The following SDCBP2 variants were observed in gnomAD, a reference collection of about 807,000 sequenced individuals.
SDCBP2 encodes syntenin-2.
Under a neutral mutation model 30.7 loss-of-function variants are expected in SDCBP2, and 28 were observed. The observed-to-expected ratio is 0.91, with a 90% CI of 0.68 to 1.25. SDCBP2 has a LOEUF of 1.25. Among genes scored for constraint, SDCBP2 ranks in the 50% most tolerant of loss-of-function variants. The probability of loss-of-function intolerance (pLI) is 0.00; values close to 1 mark genes in which losing one functional copy is unlikely to be tolerated. For missense variants in SDCBP2, 399 were observed against 379.0 expected, an observed-to-expected ratio of 1.05 and a Z score of -0.44; for synonymous variants, 166 against 157.3, an observed-to-expected ratio of 1.06 and a Z score of -0.41.
rs967721057 is a variant in SDCBP2, at chr20:1,310,457, G to C, written c.863C>G (p.Ser288Cys). ...PVLLHHTMDH[S>C]IPDA ...GCAGTGGCTTCAGGCATCTGGGATG[G>C]AGTGGTCCATGGTGTGGTGGAGCAG... is the stretch of plus-strand genomic sequence containing the variant. Residue 288 changes from serine to cysteine, a missense_variant, in exon 9 of 9, where the codon TCC (serine) becomes TGC (cysteine). Ser to Cys is a moderately radical substitution (Grantham distance 112). Coordinates refer to ENST00000360779, the MANE Select transcript of SDCBP2 (RefSeq NM_080489.5). 2 of 1,613,622 alleles carry C rather than the reference G, an allele frequency of 1.2e-6. No individual in the cohort carries two copies. The highest frequency in any genetic ancestry group is 1.7e-6 in the Non-Finnish European group (2 of 1,179,964).
chr20:1,319,642 T>G lies in SDCBP2; in HGVS notation c.72A>C (p.Ser24=), dbSNP rs1050398733. Residue 24 remains serine (S), a synonymous_variant, in exon 3 of 9, where the codon TCA becomes TCC. Transcript: ENST00000360779. ...DQAIQAQVRA[S]PKMPALPVQA... ...GGACTGGCAGGGCTGGCATCTTGGG[T>G]GAGGCTCTGACCTGGGCCTGGGGAG... is the stretch of plus-strand genomic sequence containing the variant. 1.3e-6 allele frequency: 2 copies of G among 1,565,474 alleles called. No homozygotes were observed. Among genetic ancestry groups the G allele is most frequent in the Non-Finnish European group, 1.7e-6 (2 of 1,154,394 alleles).
Position 1,310,907 on chromosome 20 carries a change from G to A in SDCBP2, c.733-16C>T. 6.2e-7 allele frequency: 1 copy of A among 1,602,048 alleles called. No homozygotes were observed. On this transcript the variant is annotated splice_polypyrimidine_tract_variant and intron_variant, in intron 7 of 8. Transcript: ENST00000360779. ...TCTTTTTGTCCTAGGGAGGAGGCAA[G>A]TAAGCGATCACCCTAAGGATTGGGG...
rs932620802 is a variant in SDCBP2 at position 1,310,343 on chromosome 20, T to G, written c.*98A>C. ...GCCCCCCTCATGGCAGCCCCCACCT[T>G]AAGCAGCAGGCCGGCTGCAACCCAT... is the stretch of plus-strand genomic sequence containing the variant. On this transcript the variant is annotated 3_prime_UTR_variant, in exon 9 of 9. Transcript: ENST00000360779. 8 of 1,301,350 alleles carry G rather than the reference T, an allele frequency of 6.1e-6. No individual in the cohort carries two copies. The highest frequency in any genetic ancestry group is 7.7e-6 in the Non-Finnish European group (7 of 910,732). The allele number at this position is 1,301,350 out of a possible 1,614,324, so 80.6% of individuals were successfully genotyped here.
intron 8 of SDCBP2, 71 bp downstream of exon 8, chr20:1,310,729 C>A: frequency 7.2e-7 from 1 of 1,382,808 alleles, no homozygotes; most frequent in Non-Finnish European, 1.0e-6. Context: ...GCCAGGTGCA[C>A]CTGGGAGGCC....
chr20:1,328,449 G>A, intron 1 of SDCBP2, among the ~76,000 whole-genome samples: 1 of 152,184 alleles, frequency 6.6e-6, no homozygotes, highest in East Asian at 1.9e-4. Flanking sequence ...ACGTGAAGCT[G>A]CCTGTCCAGT....
intron 4 of SDCBP2, among the ~76,000 whole-genome samples, chr20:1,314,511 AG>A (rs71212731): frequency 1.8e-3 from 225 of 124,024 alleles, no homozygotes; most frequent in Non-Finnish European, 2.4e-3. Context: ...AAAAAAAAAA[AG>A]GAAAGGAAAG....
rs569892837 is a variant in SDCBP2, at chr20:1,313,029, C to T, written c.385-267G>A. 1.7e-4 allele frequency: 100 copies of T among 587,622 alleles called. 1 individual carries two copies. The highest frequency in any genetic ancestry group is 1.6e-3 in the South Asian group (76 of 48,362). 36.4% of individuals were successfully genotyped at this position (587,622 alleles called of 1,614,324 possible). A position where few individuals can be genotyped will look rare whatever the true frequency, so the allele number is the denominator to read the frequency against. On this transcript the variant is annotated intron_variant, in intron 5 of 8. Transcript: ENST00000360779. The surrounding 1 kb of genome is among the most constrained non-coding windows in gnomAD (Gnocchi z 5.2). ...ACTGTACCATTCACAAAGGCATGGGCTTCCCTGGCGTCGGCTGTCTACACC... is the reference window on the plus strand; with the variant it reads ...ACTGTACCATTCACAAAGGCATGGGTTTCCCTGGCGTCGGCTGTCTACACC...
rs918288150 is a variant in SDCBP2, at chr20:1,313,172, C to G, written c.384+168G>C. On this transcript the variant is annotated intron_variant, in intron 5 of 8. Coordinates refer to ENST00000360779, the MANE Select transcript of SDCBP2 (RefSeq NM_080489.5). The surrounding 1 kb of genome is among the most constrained non-coding windows in gnomAD (Gnocchi z 5.2). ...GGGCCCTGCGCAACCCAGCACCAGC[C>G]CCGCCCGGGTCTCGGGGAGGAGGGA... 1.2e-5 allele frequency: 9 copies of G among 741,730 alleles called. No homozygotes were observed. The African/African-American group carries it at 1.6e-4, about 13-fold the overall frequency. The allele number at this position is 741,730 out of a possible 1,614,324, so 45.9% of individuals were successfully genotyped here.
chr20:1,312,895 C>T, intron 5 of SDCBP2, 133 bp from the exon 6 acceptor site: 2 of 939,944 alleles, frequency 2.1e-6, no homozygotes, highest in Non-Finnish European at 3.1e-6. Context: ...GCATGGCAGG[C>T]ACCAAGGTTA....
rs557302850 is a variant in SDCBP2, at chr20:1,310,621, C to T, written c.825-126G>A. On this transcript the variant is annotated intron_variant, in intron 8 of 8. Coordinates refer to ENST00000360779, the MANE Select transcript of SDCBP2 (RefSeq NM_080489.5). ...ACTCCCAGTTCTAAGACTTTCGAAT[C>T]ACCAGAAGCCACAAGCTACCTTGGA... The T allele has an allele frequency of 5.7e-6, 6 of 1,045,464 alleles. No homozygotes were observed. The East Asian group carries it at 1.3e-4, about 22-fold the overall frequency. The allele number at this position is 1,045,464 out of a possible 1,614,324, so 64.8% of individuals were successfully genotyped here. A position where few individuals can be genotyped will look rare whatever the true frequency, so the allele number is the denominator to read the frequency against.
In SDCBP2 at chr20:1,324,641, C is replaced by T. The variant is rs528360261; in HGVS notation, c.-19-4206G>A. Among the ~76,000 whole-genome samples, 1 of 152,194 alleles carries T rather than the reference C, an allele frequency of 6.6e-6. No individual in the cohort carries two copies. The highest frequency in any genetic ancestry group is 1.5e-5 in the Non-Finnish European group (1 of 68,024). On this transcript the variant is annotated intron_variant, in intron 1 of 8. Transcript: ENST00000360779. This position sits in a 1 kb window ranked among gnomAD's most constrained non-coding sequence, Gnocchi z 4.7. ...GTACACACTAGACTGTCTGGAAATG[C>T]ATATATCAGGTTGGTTGTGGGGAGT...
intron 3 of SDCBP2, 121 bp downstream of exon 3, chr20:1,319,469 C>T: frequency 9.2e-7 from 1 of 1,089,322 alleles, no homozygotes; most frequent in Non-Finnish European, 1.4e-6. Flanking sequence ...GTCCTCTCTT[C>T]CCACCATGTT....
chr20:1,323,680 T>A (rs1020931978), intron 1 of SDCBP2: 1 of 152,228 alleles, frequency 6.6e-6, no homozygotes, highest in Non-Finnish European at 1.5e-5. Flanking sequence ...GCTGCTTATG[T>A]CCCTTACATA....
chr20:1,318,046 C>T, intron 4 of SDCBP2: 1 of 499,538 alleles, frequency 2.0e-6, no homozygotes, highest in Non-Finnish European at 3.9e-6. Context: ...TTAATGACCT[C>T]CCTTCTCATC....
At chr20:1,328,393 G>A (rs182590987) in intron 1 of SDCBP2, among the ~76,000 whole-genome samples, 52 of 152,256 alleles carry the variant, frequency 3.4e-4, no homozygotes, top group Admixed American at 1.2e-3. Flanking sequence ...CAGGAGCCCA[G>A]GTGGGAAGTG....
At chr20:1,326,789 T>C (rs2088933976) in intron 1 of SDCBP2, among the ~76,000 whole-genome samples, 1 of 152,234 alleles carries the variant, frequency 6.6e-6, no homozygotes, top group Non-Finnish European at 1.5e-5. Flanking sequence ...TCAGGAAATG[T>C]CACTCATTTG....
At position 1,310,808 on chromosome 20, in the gene SDCBP2, C is replaced by T. The variant is rs560992443; in HGVS notation, c.816G>A (p.Met272Ile). The T allele has an allele frequency of 6.2e-7, 1 of 1,612,412 alleles. No homozygotes were observed. The highest frequency in any genetic ancestry group is 1.1e-5 in the South Asian group (1 of 90,998). Residue 272 changes from methionine to isoleucine, a missense_variant, in exon 8 of 9, where the codon ATG becomes ATA. Transcript: ENST00000360779. The part of the protein sequence containing the change: ...TIIPSVIYEH[M>I]VKKLPPVLLH... The stretch of plus-strand genomic sequence containing the variant: ...GAGGGGTGCAGCCTTACTTTTTGAC[C>T]ATGTGCTCGTAGATCACACTGGGGA...
chr20:1,320,428 A>G lies in SDCBP2; in HGVS notation c.-12T>C, dbSNP rs2088836949. ...TACAGGGATGACATGGCTGATTCTC[A>G]GAACACCCTGCAGAGTGCAGAGGGT... On this transcript the variant is annotated 5_prime_UTR_variant, in exon 2 of 9. Transcript: ENST00000360779. This position sits in a 1 kb window ranked among gnomAD's most constrained non-coding sequence, Gnocchi z 4.7. 6.2e-7 allele frequency: 1 copy of G among 1,613,556 alleles called. No individual in the cohort carries two copies. The highest frequency in any genetic ancestry group is 8.5e-7 in the Non-Finnish European group (1 of 1,179,574).
At chr20:1,310,983 G>T in intron 7 of SDCBP2, 92 bp from the exon 8 acceptor site, 1 of 876,508 alleles carries the variant, frequency 1.1e-6, no homozygotes, top group Non-Finnish European at 1.8e-6. Flanking sequence ...CATGGCCACT[G>T]CTAGAGGACA....
Sources: gnomAD v4.1 joint callset for allele counts (sites outside exome capture counted in the v4.1 genomes callset) on GRCh38, gnomAD v4.1.1 for gene constraint, Gnocchi (gnomAD v3.1) non-coding constraint, MANE v1.5 for transcripts, NCBI Gene and HGNC (gene_info 2026-07-23, HGNC 2026-07-21) for gene names.